Variants in MADD observed in about 807,000 individuals in gnomAD.
MADD encodes MAP kinase activating death domain.
In MADD, 109 loss-of-function variants were observed where a neutral mutation model predicts 176.7. That is an observed-to-expected ratio of 0.62 (90% CI 0.53 to 0.72). The LOEUF is 0.72. Ranked by LOEUF, MADD falls within the 30% of genes least tolerant of loss-of-function variation. The probability of loss-of-function intolerance (pLI) is 0.00; values close to 1 mark genes in which losing one functional copy is unlikely to be tolerated. For missense variants in MADD, 1,914 were observed against 2,045.5 expected (o/e 0.94, Z 1.24); for synonymous variants, 771 against 771.3 (o/e 1.00, Z 0.01).
Position 47,276,214 on chromosome 11 carries a change from G to T in MADD, c.963+12G>T, listed in dbSNP as rs2049646307. On this transcript the variant is annotated intron_variant, in intron 4 of 32. Coordinates refer to ENST00000402192, the Ensembl canonical transcript of MADD. The stretch of plus-strand genomic sequence containing the variant: ...TGTTAGAGCACAAGGTGAGAGGCAA[G>T]CTTCCTAGACCTTTCTAGGGGAGAA... The T allele has an allele frequency of 1.9e-6, 3 of 1,595,676 alleles. No homozygotes were observed. Among genetic ancestry groups the T allele is most frequent in the Non-Finnish European group, 2.6e-6 (3 of 1,168,296 alleles).
chr11:47,274,181 A>C (rs1342235135), intron 2 of MADD, among the ~76,000 whole-genome samples: 2 of 152,226 alleles, frequency 1.3e-5, no homozygotes, highest in Non-Finnish European at 2.9e-5. Flanking sequence ...CATCTTCTTG[A>C]TGTCGAGCAA....
At chr11:47,323,237 CAA>C (rs11341336) in intron 27 of MADD, among the ~76,000 whole-genome samples, 105 of 108,912 alleles carry the variant, frequency 9.6e-4, no homozygotes, top group Non-Finnish European at 8.3e-4. Context: ...GACTCCATCT[CAA>C]AAAAAAAAAA....
At chr11:47,318,591 G>A (rs2093698336) in intron 27 of MADD, among the ~76,000 whole-genome samples, 1 of 152,036 alleles carries the variant, frequency 6.6e-6, no homozygotes, top group Non-Finnish European at 1.5e-5. Flanking sequence ...CGTACAAAGG[G>A]AGCCTCATGC....
intron 26 of MADD, among the ~76,000 whole-genome samples, chr11:47,314,608 A>G (rs575519719): frequency 6.6e-6 from 1 of 151,204 alleles, no homozygotes; most frequent in Admixed American, 6.6e-5. Flanking sequence ...CCTTGTCTCT[A>G]AAAAAAAAGA....
intron 26 of MADD, 63 bp downstream of exon 29, chr11:47,311,905 C>A: frequency 1.0e-6 from 1 of 996,198 alleles, no homozygotes; most frequent in Non-Finnish European, 1.6e-6. Flanking sequence ...GTGTCACTTG[C>A]AGTCCAGTTC....
At chr11:47,310,433 C>T (rs921443858) in intron 25 of MADD, among the ~76,000 whole-genome samples, 2 of 152,166 alleles carry the variant, frequency 1.3e-5, no homozygotes, top group East Asian at 3.9e-4. Context: ...ATCCTCCTGC[C>T]TCAGCCTCCC....
At chr11:47,319,077 G>C (rs1168725818) in intron 27 of MADD, among the ~76,000 whole-genome samples, 1 of 149,854 alleles carries the variant, frequency 6.7e-6, no homozygotes, top group African/African-American at 2.4e-5. Flanking sequence ...CAAAGTGCTG[G>C]GATTACAGGT....
rs2064334746 is a variant in MADD at position 47,290,595 on chromosome 11, A to C, written c.3095-15A>C. On this transcript the variant is annotated splice_polypyrimidine_tract_variant and intron_variant, in intron 18 of 32. Coordinates refer to ENST00000402192, the Ensembl canonical transcript of MADD. ...ACTCACTACTTCTCTTGACCTCTTG[A>C]TATTTTTCCCTCAGAACCAGACAAG... 1 of 1,609,300 alleles carries C rather than the reference A, an allele frequency of 6.2e-7. No individual in the cohort carries two copies. The highest frequency in any genetic ancestry group is 1.7e-5 in the Admixed American group (1 of 59,576).
chr11:47,323,720 A>C (rs763846304), exon 28 of MADD: 1 of 1,614,038 alleles, frequency 6.2e-7, no homozygotes, highest in African/African-American at 1.3e-5. Context: ...ACAGTGTATG[A>C]GCGCTGGTGG....
intron 1 of MADD, chr11:47,270,536 T>TG (rs1960286104): frequency 1.2e-5 from 1 of 85,398 alleles, no homozygotes; most frequent in Admixed American, 1.3e-4. Flanking sequence ...GTCCAGCAGG[T>TG]GAGGGGGCGG....
intron 29 of MADD, 26 bp downstream of exon 32, chr11:47,324,363 T>A: frequency 6.2e-7 from 1 of 1,613,314 alleles, no homozygotes; most frequent in Non-Finnish European, 8.5e-7. Context: ...CCTGAGAGTG[T>A]CTTCCCTGTT....
intron 26 of MADD, among the ~76,000 whole-genome samples, chr11:47,313,176 C>T (rs1039263797): frequency 3.9e-5 from 6 of 152,190 alleles, no homozygotes; most frequent in African/African-American, 1.4e-4. Flanking sequence ...TTGAAGCTTC[C>T]CAATATTTAA....
intron 26 of MADD, among the ~76,000 whole-genome samples, chr11:47,314,847 A>C (rs1295339688): frequency 6.6e-6 from 1 of 152,216 alleles, no homozygotes; most frequent in African/African-American, 2.4e-5. Context: ...CAAAAATGTG[A>C]AACAGTGCCT....
chr11:47,284,709 C>A, intron 12 of MADD, 144 bp downstream of exon 12: 1 of 1,251,910 alleles, frequency 8.0e-7, no homozygotes, highest in Non-Finnish European at 1.1e-6. Flanking sequence ...AGCTTAGAGC[C>A]TAAGAGACCT....
upstream of MADD, chr11:47,270,084 C>T (rs45489595): frequency 0.077 from 11,681 of 152,112 alleles, 520 homozygotes; most frequent in South Asian, 0.11. Context: ...GGTACGGCCC[C>T]GGCCCCGGCC....
At chr11:47,290,520 A>G in intron 18 of MADD, 90 bp from the exon 20 acceptor site, 2 of 1,372,840 alleles carry the variant, frequency 1.5e-6, no homozygotes, top group Non-Finnish European at 2.0e-6. Flanking sequence ...TCCATTCCGC[A>G]CCCTCCTGTA....
At chr11:47,289,349 C>T in intron 15 of MADD, 42 bp from the exon 17 acceptor site, 1 of 1,505,004 alleles carries the variant, frequency 6.6e-7, no homozygotes, top group Non-Finnish European at 9.3e-7. Context: ...AGCTCCTGTA[C>T]TACAATAGTG....
intron 31 of MADD, chr11:47,328,191 C>A: frequency 9.5e-7 from 1 of 1,051,246 alleles, no homozygotes; most frequent in South Asian, 3.4e-5. Context: ...ATAACGGGAA[C>A]TGTGTTTAAC....
chr11:47,280,410 A>G (rs1224573498), intron 7 of MADD, among the ~76,000 whole-genome samples: 1 of 152,106 alleles, frequency 6.6e-6, no homozygotes, highest in Non-Finnish European at 1.5e-5. Flanking sequence ...ATAATATGAT[A>G]CCTTGTTACT....
Sources: allele counts gnomAD v4.1 joint callset (sites outside exome capture counted in the v4.1 genomes callset), GRCh38; gene constraint gnomAD v4.1.1; transcripts MANE v1.5; gene names NCBI Gene and HGNC (gene_info 2026-07-23, HGNC 2026-07-21).